Variants in CFAP69 observed in about 807,000 individuals in gnomAD.
CFAP69 encodes cilia- and flagella-associated protein 69.
Under a neutral mutation model 123.0 loss-of-function variants are expected in CFAP69, and 92 were observed. The ratio of observed to expected loss-of-function variants is 0.75; its 90% CI spans 0.63 to 0.89. The LOEUF (loss-of-function observed/expected upper bound fraction) is 0.89, where lower values mean the gene tolerates loss of function less well. Among genes scored for constraint, CFAP69 ranks in the 40% least tolerant of loss-of-function variants. The probability of loss-of-function intolerance (pLI) is 0.00; values close to 1 mark genes in which losing one functional copy is unlikely to be tolerated. For synonymous variants in CFAP69, 380 were observed against 364.3 expected (o/e 1.04, Z -0.49); for missense variants, 1,067 against 1,096.9 (o/e 0.97, Z 0.39).
At chr7:90,246,736 T>C (rs1029262388) in intron 1 of CFAP69, among the ~76,000 whole-genome samples, 1 of 152,044 alleles carries the variant, frequency 6.6e-6, no homozygotes, top group Non-Finnish European at 1.5e-5. Context: ...GTATGTGAAT[T>C]TGATAACTGA....
chr7:90,322,722 T>G, the CFAP69 span: 2 of 152,200 alleles, frequency 1.3e-5, no homozygotes, highest in Non-Finnish European at 2.9e-5. Context: ...AGACAGGTAA[T>G]AGTTGTCATT....
Position 90,306,931 on chromosome 7 carries a change from G to A in CFAP69, c.2296G>A (p.Glu766Lys). ...AGAAATATGGAATGAAATATATGAAGAAATAAAATTAGAAAAATTAAGACC... is the reference window on the plus strand; with the variant it reads ...AGAAATATGGAATGAAATATATGAAAAAATAAAATTAGAAAAATTAAGACC... ...IGEIWNEIYE[E>K]IKLEKLRPVT... Residue 766 changes from glutamate to lysine, a missense_variant, in exon 20 of 23, where the codon GAA (glutamate) becomes AAA (lysine). By Grantham distance (56) the Glu-to-Lys change is moderately conservative. Coordinates refer to ENST00000389297, the MANE Select transcript of CFAP69 (RefSeq NM_001039706.3). 3 of 1,554,996 alleles carry A rather than the reference G, an allele frequency of 1.9e-6. No homozygotes were observed. The highest frequency in any genetic ancestry group is 1.9e-4 in the Middle Eastern group (1 of 5,392).
rs762075064 is a variant in CFAP69 at position 90,277,093 on chromosome 7, T to G, written c.1005T>G (p.Asp335Glu). The G allele has an allele frequency of 3.2e-6, 5 of 1,573,550 alleles. No individual in the cohort carries two copies. Among genetic ancestry groups the G allele is most frequent in the Admixed American group, 1.8e-5 (1 of 55,158 alleles). The change falls in exon 10 of 23, where the codon GAT (aspartate) becomes GAG (glutamate). Residue 335 changes from aspartate to glutamate, a missense_variant. By Grantham distance (45) the Asp-to-Glu change is conservative. Transcript: ENST00000389297. ...ATTAGGAATGTGGCTTTACCAAGGATTTGATACTGTTTGCCACCTTTAATG... is the reference window on the plus strand; with the variant it reads ...ATTAGGAATGTGGCTTTACCAAGGAGTTGATACTGTTTGCCACCTTTAATG... ...APMIECGFTK[D>E]LILFATFNEV...
intron 3 of CFAP69, among the ~76,000 whole-genome samples, chr7:90,261,150 G>T (rs558833941): frequency 6.6e-6 from 1 of 151,098 alleles, no homozygotes; most frequent in African/African-American, 2.4e-5. Context: ...CATGATCTCA[G>T]CTCACTGCAA....
intron 17 of CFAP69, chr7:90,302,382 A>G (rs1189189202): frequency 6.6e-6 from 1 of 152,204 alleles, no homozygotes; most frequent in Non-Finnish European, 1.5e-5. Flanking sequence ...CATCTTTGTC[A>G]TGAAATCTTT....
At chr7:90,255,353 A>G (rs11563919) in intron 1 of CFAP69, 70 bp from the exon 2 acceptor site, 97,761 of 1,213,994 alleles carry the variant, frequency 0.081, 4,391 homozygotes, top group Middle Eastern at 0.1. Flanking sequence ...TATCATATAA[A>G]TTAGTGTGTT....
At chr7:90,286,532 T>C in intron 14 of CFAP69, 133 bp downstream of exon 14, 2 of 903,624 alleles carry the variant, frequency 2.2e-6, no homozygotes, top group South Asian at 1.7e-5. Flanking sequence ...AGCATAATTA[T>C]ATAAAGTAAA....
intron 15 of CFAP69, among the ~76,000 whole-genome samples, chr7:90,290,292 C>G (rs532475192): frequency 6.6e-6 from 1 of 152,206 alleles, no homozygotes; most frequent in South Asian, 2.1e-4. Flanking sequence ...AGACTGAAGG[C>G]CTAAGGACCA....
intron 1 of CFAP69, among the ~76,000 whole-genome samples, chr7:90,247,434 T>C (rs1243378240): frequency 2.6e-5 from 4 of 152,230 alleles, no homozygotes; most frequent in Admixed American, 2.6e-4. Context: ...GTATCACAAC[T>C]ACTTCAGTTC....
At chr7:90,256,453 A>G (rs552964918) in intron 2 of CFAP69, among the ~76,000 whole-genome samples, 1 of 152,090 alleles carries the variant, frequency 6.6e-6, no homozygotes, top group East Asian at 1.9e-4. Flanking sequence ...GGTGCAGCAA[A>G]CCACATGGCA....
chr7:90,254,612 C>T (rs556466417), intron 1 of CFAP69, among the ~76,000 whole-genome samples: 16 of 152,128 alleles, frequency 1.1e-4, no homozygotes, highest in South Asian at 6.3e-4. Context: ...TATGAGAGCA[C>T]GGCATTTTTC....
chr7:90,323,383 A>G, the CFAP69 span, among the ~76,000 whole-genome samples: 2 of 152,208 alleles, frequency 1.3e-5, no homozygotes, highest in African/African-American at 4.8e-5. Flanking sequence ...AAGAAGAGAA[A>G]GAGAGAAGGA....
intron 8 of CFAP69, chr7:90,272,258 T>C (rs1800064266): frequency 9.0e-6 from 2 of 221,436 alleles, no homozygotes; most frequent in South Asian, 2.7e-4. Flanking sequence ...GAATCTATTA[T>C]TGAGTGCTTA....
downstream of CFAP69, among the ~76,000 whole-genome samples, chr7:90,311,830 A>T (rs925104503): frequency 5.3e-5 from 8 of 152,168 alleles, no homozygotes; most frequent in African/African-American, 1.9e-4. Flanking sequence ...GCATCAGCTT[A>T]TCAGTGAGCT....
At chr7:90,277,943 A>G (rs758903068) in intron 11 of CFAP69, among the ~76,000 whole-genome samples, 1 of 152,140 alleles carries the variant, frequency 6.6e-6, no homozygotes, top group Non-Finnish European at 1.5e-5. Flanking sequence ...TGTAAAGGAA[A>G]GATTATAATG....
intron 9 of CFAP69, among the ~76,000 whole-genome samples, chr7:90,275,590 C>CTTTTTTT (rs57578763): frequency 1.6e-4 from 10 of 62,072 alleles, no homozygotes; most frequent in East Asian, 9.3e-4. Context: ...GGCCAAAAGC[C>CTTTTTTT]TTTTTTTTTT....
chr7:90,289,955 T>C (rs538532368), intron 15 of CFAP69, among the ~76,000 whole-genome samples: 5 of 152,344 alleles, frequency 3.3e-5, no homozygotes, highest in Non-Finnish European at 7.4e-5. Context: ...CTTTCTGTGC[T>C]GTTCTACTGG....
At chr7:90,297,427 C>G (rs914231413) in intron 15 of CFAP69, among the ~76,000 whole-genome samples, 2 of 151,970 alleles carry the variant, frequency 1.3e-5, no homozygotes, top group Non-Finnish European at 2.9e-5. Flanking sequence ...ATGGATATAT[C>G]TTGCAAAAAA....
intron 2 of CFAP69, among the ~76,000 whole-genome samples, chr7:90,257,476 A>C (rs1356835394): frequency 6.6e-6 from 1 of 152,152 alleles, no homozygotes; most frequent in Admixed American, 6.5e-5. Context: ...CTAGTTTGAA[A>C]TATACAATAC....
Sources: allele counts gnomAD v4.1 joint callset (sites outside exome capture counted in the v4.1 genomes callset), GRCh38; gene constraint gnomAD v4.1.1; transcripts MANE v1.5; gene names NCBI Gene and HGNC (gene_info 2026-07-23, HGNC 2026-07-21).